Variants in SCARB1 observed in about 807,000 individuals in gnomAD.
SCARB1 encodes CD36 and LIMPII analogous 1.
In SCARB1, 30 loss-of-function variants were observed where a neutral mutation model predicts 57.2. That is an observed-to-expected ratio of 0.52 (90% CI 0.39 to 0.71). SCARB1 has a LOEUF of 0.71. SCARB1 is among the 30% of genes least tolerant of loss of function. SCARB1 has a pLI of 0.00. For missense variants in SCARB1, 543 were observed against 671.2 expected (o/e 0.81, Z 2.11); for synonymous variants, 249 against 268.3 (o/e 0.93, Z 0.70).
At chr12:124,787,785 C>T (rs1399898688) in intron 9 of SCARB1, among the ~76,000 whole-genome samples, 2 of 151,974 alleles carry the variant, frequency 1.3e-5, no homozygotes, top group East Asian at 3.9e-4. Context: ...AGCTTTGAAC[C>T]TGTGATCATA....
chr12:124,824,192 GAGAAAGAA>G (rs1490411339), intron 1 of SCARB1, among the ~76,000 whole-genome samples: 2 of 142,210 alleles, frequency 1.4e-5, no homozygotes, highest in Non-Finnish European at 3.1e-5. Flanking sequence ...AAAAAAAAAA[GAGAAAGAA>G]AGAAAGAAAA....
chr12:124,797,454 C>T (rs140169703), intron 8 of SCARB1, among the ~76,000 whole-genome samples: 59 of 152,292 alleles, frequency 3.9e-4, no homozygotes, highest in African/African-American at 1.3e-3. Context: ...CCCTCCCCAA[C>T]GTGCCCAGCT....
intron 10 of SCARB1, 75 bp from the exon 11 acceptor site, chr12:124,786,578 C>A (rs1949528325): frequency 6.3e-7 from 1 of 1,584,136 alleles, no homozygotes; most frequent in Non-Finnish European, 8.6e-7. Flanking sequence ...CACCCAACAC[C>A]TTCCTCTGTG....
intron 8 of SCARB1, among the ~76,000 whole-genome samples, chr12:124,798,919 G>A (rs539085139): frequency 6.6e-6 from 1 of 152,218 alleles, no homozygotes; most frequent in Non-Finnish European, 1.5e-5. Flanking sequence ...CAGGGATGGG[G>A]AAGTCCGTCA....
intron 1 of SCARB1, among the ~76,000 whole-genome samples, chr12:124,852,737 T>C (rs1008607584): frequency 6.6e-6 from 1 of 152,206 alleles, no homozygotes; most frequent in African/African-American, 2.4e-5. Context: ...TAGCATGGTG[T>C]GGTTATAACA....
At chr12:124,853,390 GT>G (rs757246980) in intron 1 of SCARB1, among the ~76,000 whole-genome samples, 40,232 of 122,216 alleles carry the variant, frequency 0.33, 5,273 homozygotes, top group Middle Eastern at 0.37. Flanking sequence ...GCATAGTTTT[GT>G]TTTTTTTTTT....
At chr12:124,832,494 T>TG (rs1318173532) in intron 1 of SCARB1, among the ~76,000 whole-genome samples, 2 of 149,234 alleles carry the variant, frequency 1.3e-5, no homozygotes, top group African/African-American at 2.5e-5. Context: ...CACTCCAGCC[T>TG]GGGCGACAGA....
intron 7 of SCARB1, among the ~76,000 whole-genome samples, chr12:124,805,944 T>C (rs2135631320): frequency 6.6e-6 from 1 of 152,274 alleles, no homozygotes; most frequent in Middle Eastern, 3.4e-3. Context: ...ATGTTCTCTA[T>C]CTGTGCTATC....
intron 9 of SCARB1, among the ~76,000 whole-genome samples, chr12:124,793,659 C>T (rs529677572): frequency 7.0e-6 from 1 of 142,790 alleles, no homozygotes; most frequent in African/African-American, 2.7e-5. Flanking sequence ...CGCCACTGCA[C>T]TCCAGCCTGG....
chr12:124,806,399 A>AG (rs1491493827), intron 7 of SCARB1, among the ~76,000 whole-genome samples: 1 of 152,188 alleles, frequency 6.6e-6, no homozygotes, highest in East Asian at 1.9e-4. Context: ...CAACAATGTC[A>AG]GGGGACCGAC....
chr12:124,791,547 T>A (rs1949729494), intron 9 of SCARB1, among the ~76,000 whole-genome samples: 1 of 152,146 alleles, frequency 6.6e-6, no homozygotes, highest in Non-Finnish European at 1.5e-5. Flanking sequence ...AATTGTTAAA[T>A]CCCAGCAAAG....
intron 1 of SCARB1, among the ~76,000 whole-genome samples, chr12:124,855,501 C>G (rs1486866407): frequency 1.3e-5 from 2 of 152,182 alleles, no homozygotes; most frequent in African/African-American, 4.8e-5. Context: ...CAAGACAGCT[C>G]CAGCCTGGCC....
chr12:124,824,469 C>A (rs140827197), intron 1 of SCARB1, among the ~76,000 whole-genome samples: 129 of 152,306 alleles, frequency 8.5e-4, no homozygotes, highest in Non-Finnish European at 1.2e-3. Flanking sequence ...CGCAACCTTG[C>A]GAACGCACTA....
At chr12:124,805,401 A>T (rs943696113) in intron 7 of SCARB1, among the ~76,000 whole-genome samples, 1 of 152,206 alleles carries the variant, frequency 6.6e-6, no homozygotes, top group African/African-American at 2.4e-5. Flanking sequence ...AATAATGAAC[A>T]GGGGACGTGT....
chr12:124,787,425 G>A lies in SCARB1; in HGVS notation c.1235C>T (p.Pro412Leu), dbSNP rs1566136711. The change falls in exon 10 of 13, where the codon CCG (proline) becomes CTG (leucine). Residue 412 changes from proline to leucine, a missense_variant. Transcript: ENST00000261693. ...QTGKIEPVVL[P>L]LLWFAESGAM... ...CCTTACCTCTGCAAACCAGAGCAGC[G>A]GCAGGACCACAGGCTCAATCTTCCC... is the stretch of plus-strand genomic sequence containing the variant. The A allele has an allele frequency of 6.2e-7, 1 of 1,613,732 alleles. No individual in the cohort carries two copies. Among genetic ancestry groups the A allele is most frequent in the Non-Finnish European group, 8.5e-7 (1 of 1,179,916 alleles).
rs1448463829 is a variant in SCARB1, at chr12:124,822,519, G to C, written c.127-4812C>G. On this transcript the variant is annotated intron_variant, in intron 1 of 12. Coordinates refer to ENST00000261693, the MANE Select transcript of SCARB1 (RefSeq NM_005505.5). This position sits in a 1 kb window ranked among gnomAD's most constrained non-coding sequence, Gnocchi z 5.0. The stretch of plus-strand genomic sequence containing the variant: ...TGCCGGGGACCGGGATGGAGGGAGG[G>C]GACTAACGTGAACTGGCCCAGCTAT... Among the ~76,000 whole-genome samples the C allele has an allele frequency of 2.0e-5, 3 of 152,216 alleles. No individual in the cohort carries two copies. Among genetic ancestry groups the C allele is most frequent in the African/African-American group, 7.2e-5 (3 of 41,452 alleles).
intron 9 of SCARB1, among the ~76,000 whole-genome samples, chr12:124,793,258 C>T (rs902777933): frequency 1.3e-5 from 2 of 152,130 alleles, no homozygotes; most frequent in Non-Finnish European, 2.9e-5. Context: ...TTTAACGAAA[C>T]TATTTCAGAT....
At chr12:124,794,264 A>C (rs1949846410) in intron 9 of SCARB1, among the ~76,000 whole-genome samples, 1 of 151,652 alleles carries the variant, frequency 6.6e-6, no homozygotes, top group African/African-American at 2.4e-5. Context: ...TGAATTGTGC[A>C]TTTTATTAGG....
chr12:124,794,502 G>A (rs1287914098), intron 9 of SCARB1, among the ~76,000 whole-genome samples: 2 of 149,600 alleles, frequency 1.3e-5, no homozygotes, highest in Admixed American at 6.8e-5. Flanking sequence ...CCGGGTTCAC[G>A]CCATTCTCCT....
Sources: gnomAD v4.1 joint callset for allele counts (sites outside exome capture counted in the v4.1 genomes callset) on GRCh38, gnomAD v4.1.1 for gene constraint, Gnocchi (gnomAD v3.1) non-coding constraint, MANE v1.5 for transcripts, NCBI Gene and HGNC (gene_info 2026-07-23, HGNC 2026-07-21) for gene names.